SYMPK: variants seen among roughly 807,000 people sequenced by gnomAD.
The protein encoded by SYMPK is symplekin.
A neutral mutation model predicts 136.4 loss-of-function variants in SYMPK; 49 were observed. The observed-to-expected ratio is 0.36, with a 90% confidence interval of 0.29 to 0.46. SYMPK has a LOEUF of 0.46. Among genes scored for constraint, SYMPK ranks in the 20% least tolerant of loss-of-function variants. SYMPK has a pLI of 1.00. For missense variants in SYMPK, 1,365 were observed against 1,690.0 expected (o/e 0.81, Z 3.37); for synonymous variants, 766 against 713.0 (o/e 1.07, Z -1.19).
chr19:45,833,580 C>G (rs1281179716), intron 11 of SYMPK, among the ~76,000 whole-genome samples: 1 of 152,120 alleles, frequency 6.6e-6, no homozygotes, highest in Non-Finnish European at 1.5e-5. Flanking sequence ...GCACTCCAGC[C>G]TGGGCAACAG....
At chr19:45,852,406 G>A (rs1320970698) in intron 4 of SYMPK, 21 bp from the exon 5 acceptor site, 3 of 1,614,224 alleles carry the variant, frequency 1.9e-6, no homozygotes, top group East Asian at 4.5e-5. Context: ...TAGAGAGAAA[G>A]TGGATCAGGG....
chr19:45,816,882 G>A lies in SYMPK; in HGVS notation c.3174C>T (p.Pro1058=). The part of the protein sequence containing the change: ...QSFQVILQLP[P]QQLGAVFDKC... ...TGTCAAAGACGGCTCCCAGCTGCTG[G>A]GGCGGCAGCTGCAGGATGACCTGGA... is the stretch of plus-strand genomic sequence containing the variant. The change falls in exon 24 of 27, where the codon CCC becomes CCT. Residue 1058 remains proline (P), a synonymous_variant. Coordinates refer to ENST00000245934, the MANE Select transcript of SYMPK (RefSeq NM_004819.3). 6.4e-7 allele frequency: 1 copy of A among 1,551,366 alleles called. No homozygotes were observed. Among genetic ancestry groups the A allele is most frequent in the Non-Finnish European group, 8.7e-7 (1 of 1,147,482 alleles).
chr19:45,857,974 T>C (rs1365922619), intron 1 of SYMPK, among the ~76,000 whole-genome samples: 1 of 151,932 alleles, frequency 6.6e-6, no homozygotes, highest in African/African-American at 2.4e-5. Flanking sequence ...AATTTTTGTA[T>C]TTTTAGTAGA....
At chr19:45,835,313 T>C in intron 10 of SYMPK, 85 bp from the exon 11 acceptor site, 2 of 1,410,584 alleles carry the variant, frequency 1.4e-6, no homozygotes, top group Non-Finnish European at 1.9e-6. Flanking sequence ...ACTGGGGAAA[T>C]GGCAGTGCCT....
intron 5 of SYMPK, 86 bp from the exon 6 acceptor site, chr19:45,848,962 T>A: frequency 2.6e-6 from 4 of 1,524,772 alleles, no homozygotes; most frequent in Non-Finnish European, 3.6e-6. Context: ...GGAAGGGAAA[T>A]CAGGGACCTG....
chr19:45,821,230 A>G lies in SYMPK; in HGVS notation c.2893+154T>C, dbSNP rs1240346144. 4.3e-6 allele frequency: 3 copies of G among 698,586 alleles called. No individual in the cohort carries two copies. The highest frequency in any genetic ancestry group is 7.8e-6 in the Non-Finnish European group (3 of 385,066). The allele number at this position is 698,586 out of a possible 1,614,324, so 43.3% of individuals were successfully genotyped here. A position where few individuals can be genotyped will look rare whatever the true frequency, so the allele number is the denominator to read the frequency against. On this transcript the variant is annotated intron_variant, in intron 22 of 26. Coordinates refer to ENST00000245934, the MANE Select transcript of SYMPK (RefSeq NM_004819.3). The surrounding 1 kb of genome is among the most constrained non-coding windows in gnomAD (Gnocchi z 4.4). The stretch of plus-strand genomic sequence containing the variant: ...GGAGGGAAGAGGAGGCAAGAAAAGG[A>G]GGGAGGGAGGGAGGTGGCTCTCCAG...
At chr19:45,817,151 C>A (rs1970763421) in intron 23 of SYMPK, 177 bp from the exon 24 acceptor site, 6 of 615,424 alleles carry the variant, frequency 9.7e-6, no homozygotes, top group South Asian at 7.3e-5. Context: ...CCGATCCAGG[C>A]GGCTGGACCA....
intron 1 of SYMPK, chr19:45,855,336 T>C (rs1971798759): frequency 1.3e-5 from 2 of 152,204 alleles, no homozygotes; most frequent in African/African-American, 2.4e-5. Context: ...GGAAGGGGGC[T>C]TTCAGGCATC....
intron 19 of SYMPK, 116 bp from the exon 20 acceptor site, chr19:45,823,588 T>C (rs1201789959): frequency 2.8e-5 from 30 of 1,069,542 alleles, no homozygotes; most frequent in Non-Finnish European, 4.1e-5. Flanking sequence ...ACTTCACCCT[T>C]GGCTGCTCAC....
At chr19:45,840,485 G>A (rs1971409087) in intron 9 of SYMPK, among the ~76,000 whole-genome samples, 1 of 151,942 alleles carries the variant, frequency 6.6e-6, no homozygotes, top group Non-Finnish European at 1.5e-5. Flanking sequence ...CCAACATGGT[G>A]AAGCCCCGTC....
intron 19 of SYMPK, 50 bp downstream of exon 19, chr19:45,823,717 G>A: frequency 2.0e-6 from 3 of 1,533,030 alleles, no homozygotes; most frequent in Non-Finnish European, 1.8e-6. Context: ...GCCCGGGGAA[G>A]GCTAAGGAGA....
At chr19:45,826,719 C>T (rs1971051029) in intron 16 of SYMPK, among the ~76,000 whole-genome samples, 1 of 152,240 alleles carries the variant, frequency 6.6e-6, no homozygotes, top group Admixed American at 6.5e-5. Flanking sequence ...AACCCTGTTT[C>T]ACTCAGATAT....
At chr19:45,822,098 A>C (rs913703975) in intron 21 of SYMPK, among the ~76,000 whole-genome samples, 3 of 148,154 alleles carry the variant, frequency 2.0e-5, no homozygotes, top group African/African-American at 7.5e-5. Flanking sequence ...AGTTTTTCTA[A>C]GTTGAAAGTT....
chr19:45,854,754 G>A, intron 1 of SYMPK: 2 of 509,974 alleles, frequency 3.9e-6, no homozygotes, highest in Non-Finnish European at 7.1e-6. Context: ...AGCCTCAAGT[G>A]GGCCAACCAC....
At chr19:45,854,138 T>C in intron 3 of SYMPK, 37 bp downstream of exon 3, 1 of 1,607,292 alleles carries the variant, frequency 6.2e-7, no homozygotes. Flanking sequence ...CTCCTCCCTT[T>C]CACCTGCTCA....
At chr19:45,842,721 T>A (rs1220865738) in intron 8 of SYMPK, 4 of 549,230 alleles carry the variant, frequency 7.3e-6, no homozygotes, top group Non-Finnish European at 1.3e-5. Context: ...TCTCTTTTAG[T>A]AAATACATAC....
chr19:45,815,858 AG>A lies in SYMPK; in HGVS notation c.3679del (p.Leu1227TyrfsTer10). The A allele has an allele frequency of 6.2e-7, 1 of 1,611,274 alleles. No individual in the cohort carries two copies. The highest frequency in any genetic ancestry group is 8.5e-7 in the Non-Finnish European group (1 of 1,179,470). The part of the protein sequence containing the change: ...ALLDSSLEGP[L>X]PKETAAGGLT... ...GGAGGCTGCTCTCCCTACCTTGGGT[AG>A]GGGGCCCTCGAGACTAGAGTCCAAC... On this transcript the variant is annotated frameshift_variant, in exon 26 of 27. Coordinates refer to ENST00000245934, the MANE Select transcript of SYMPK (RefSeq NM_004819.3). LOFTEE classifies it high-confidence loss of function.
chr19:45,835,041 C>A, intron 11 of SYMPK, 37 bp downstream of exon 11: 1 of 1,478,014 alleles, frequency 6.8e-7, no homozygotes, highest in South Asian at 1.4e-5. Context: ...CCACAAGTGC[C>A]AATCCCTGGC....
rs1396446185 is a variant in SYMPK at position 45,845,526 on chromosome 19, A to G, written c.677-1326T>C. Among the ~76,000 whole-genome samples, 10 of 151,938 alleles carry G rather than the reference A, an allele frequency of 6.6e-5. No individual in the cohort carries two copies. The East Asian group carries it at 1.9e-3, about 29-fold the overall frequency. On this transcript the variant is annotated intron_variant, in intron 7 of 26. Transcript: ENST00000245934. ...CATCCATGTTGTTGCAAATGACAGG[A>G]TCTCCTTCTTTTTTATGGCTGAATA...
Sources: gnomAD v4.1 joint callset for allele counts (sites outside exome capture counted in the v4.1 genomes callset) on GRCh38, gnomAD v4.1.1 for gene constraint, Gnocchi (gnomAD v3.1) non-coding constraint, MANE v1.5 for transcripts, NCBI Gene and HGNC (gene_info 2026-07-23, HGNC 2026-07-21) for gene names.